The following LRP1B variants were observed in gnomAD, a reference collection of about 807,000 sequenced individuals.
LRP1B encodes the protein low-density lipoprotein receptor-related protein 1B.
In LRP1B, 217 loss-of-function variants were observed where a neutral mutation model predicts 556.6. The observed-to-expected ratio is 0.39, with a 90% CI of 0.35 to 0.44. The LOEUF (loss-of-function observed/expected upper bound fraction) is 0.44, where lower values mean the gene tolerates loss of function less well. Ranked by LOEUF, LRP1B falls within the 20% of genes least tolerant of loss-of-function variation. LRP1B has a pLI of 1.00. For synonymous variants in LRP1B, 2,047 were observed against 1,865.8 expected, an observed-to-expected ratio of 1.10 and a Z score of -2.50; for missense variants, 5,053 against 5,620.8, an observed-to-expected ratio of 0.90 and a Z score of 3.23.
Position 140,841,042 on chromosome 2 carries a change from A to G in LRP1B, c.4990T>C (p.Tyr1664His), listed in dbSNP as rs752506061. The G allele has an allele frequency of 3.8e-5, 61 of 1,613,186 alleles. No homozygotes were observed. Among genetic ancestry groups the G allele is most frequent in the Non-Finnish European group, 5.2e-5 (61 of 1,179,482 alleles). The change falls in exon 30 of 91, where the codon TAC (tyrosine) becomes CAC (histidine). Residue 1664 changes from tyrosine (Y) to histidine (H), a missense_variant. By Grantham distance (83) the Tyr-to-His change is moderately conservative. Coordinates refer to ENST00000389484, the MANE Select transcript of LRP1B (RefSeq NM_018557.3). ...LAVDWVSRNL[Y>H]WISSEFDETQ... is the part of the protein sequence containing the mutation. ...TCATCAAATTCTGAGCTAATCCAGTATAAATTACGTGACACCCAATCCACT... is the reference window on the plus strand; with the variant it reads ...TCATCAAATTCTGAGCTAATCCAGTGTAAATTACGTGACACCCAATCCACT...
At chr2:141,487,103 T>C (rs1683150429) in intron 2 of LRP1B, among the ~76,000 whole-genome samples, 4 of 152,172 alleles carry the variant, frequency 2.6e-5, no homozygotes, top group South Asian at 2.1e-4. Context: ...TCACACATGC[T>C]TTTTCATAAA....
At chr2:140,913,118 T>C (rs149066357) in intron 21 of LRP1B, among the ~76,000 whole-genome samples, 154 of 151,988 alleles carry the variant, frequency 1.0e-3, no homozygotes, top group African/African-American at 3.5e-3. Context: ...CACTGGTCTA[T>C]AATATTTTAT....
intron 21 of LRP1B, among the ~76,000 whole-genome samples, chr2:140,913,190 G>T (rs1694473425): frequency 1.3e-5 from 2 of 151,744 alleles, no homozygotes; most frequent in Admixed American, 1.3e-4. Context: ...ACAGTGTTTG[G>T]TTTCAATTCA....
At chr2:140,684,101 G>GA (rs1003113953) in intron 41 of LRP1B, among the ~76,000 whole-genome samples, 5 of 152,028 alleles carry the variant, frequency 3.3e-5, no homozygotes, top group Admixed American at 6.6e-5. Flanking sequence ...CAGAGAGTGA[G>GA]AAAAAAATGA....
chr2:140,309,049 C>T (rs941201180), intron 83 of LRP1B, among the ~76,000 whole-genome samples: 8 of 151,752 alleles, frequency 5.3e-5, no homozygotes, highest in African/African-American at 1.9e-4. Context: ...GTTCTGAATG[C>T]TTTAAAAAAA....
chr2:140,301,115 C>G (rs1183910118), intron 83 of LRP1B, among the ~76,000 whole-genome samples: 1 of 152,060 alleles, frequency 6.6e-6, no homozygotes, highest in Non-Finnish European at 1.5e-5. Flanking sequence ...ACTTTACTCT[C>G]AGGGTCTAAC....
At chr2:140,446,897 G>A (rs1686682102) in intron 63 of LRP1B, among the ~76,000 whole-genome samples, 1 of 151,812 alleles carries the variant, frequency 6.6e-6, no homozygotes, top group African/African-American at 2.4e-5. Flanking sequence ...TCTATGAAAT[G>A]GAAGAAAATA....
intron 1 of LRP1B, among the ~76,000 whole-genome samples, chr2:142,115,500 A>AT (rs1707163446): frequency 1.1e-5 from 1 of 94,162 alleles, no homozygotes; most frequent in African/African-American, 3.9e-5. Flanking sequence ...ATTATATATA[A>AT]TATATATTAT....
intron 60 of LRP1B, 51 bp from the exon 61 acceptor site, chr2:140,457,702 T>C: frequency 7.0e-7 from 1 of 1,437,792 alleles, no homozygotes; most frequent in Non-Finnish European, 9.8e-7. Flanking sequence ...GACTGCCAGT[T>C]AAAATATTCA....
At chr2:140,778,793 C>G (rs1689588725) in intron 32 of LRP1B, among the ~76,000 whole-genome samples, 1 of 152,010 alleles carries the variant, frequency 6.6e-6, no homozygotes, top group Non-Finnish European at 1.5e-5. Context: ...TCTAATGCCA[C>G]ATATATGAAC....
chr2:140,799,840 G>A (rs1690444218), intron 32 of LRP1B, among the ~76,000 whole-genome samples: 1 of 152,146 alleles, frequency 6.6e-6, no homozygotes, highest in African/African-American at 2.4e-5. Flanking sequence ...TGATGCAGAA[G>A]ACGGGTGATT....
rs542185825 is a variant in LRP1B, at chr2:140,395,490, G to T, written c.10415-9481C>A. Among the ~76,000 whole-genome samples the T allele has an allele frequency of 6.6e-5, 10 of 152,290 alleles. No individual in the cohort carries two copies. The South Asian group carries it at 1.5e-3, about 22-fold the overall frequency. Reference sequence around the variant, plus strand: ...ATATTCCTCAATGAGCACTTACAGGGACAACCTGTTCTTCTAGGGAAAGTG... The same window carrying T: ...ATATTCCTCAATGAGCACTTACAGGTACAACCTGTTCTTCTAGGGAAAGTG... On this transcript the variant is annotated intron_variant, in intron 66 of 90. Transcript: ENST00000389484.
chr2:140,457,753 G>T, intron 60 of LRP1B, 102 bp from the exon 61 acceptor site: 2 of 918,144 alleles, frequency 2.2e-6, no homozygotes, highest in East Asian at 2.5e-5. Flanking sequence ...ACATAACTTC[G>T]TGTGAATAAT....
At chr2:140,511,281 C>G (rs1042173351) in intron 51 of LRP1B, among the ~76,000 whole-genome samples, 1 of 145,626 alleles carries the variant, frequency 6.9e-6, no homozygotes, top group African/African-American at 2.6e-5. Context: ...AAAATACAAT[C>G]CTCTAAGGGT....
At chr2:141,342,555 C>T (rs990208117) in intron 3 of LRP1B, among the ~76,000 whole-genome samples, 1 of 151,786 alleles carries the variant, frequency 6.6e-6, no homozygotes, top group African/African-American at 2.4e-5. Flanking sequence ...AAAAACACAG[C>T]ACAAGAACTT....
At chr2:141,896,294 A>G (rs1266886984) in intron 1 of LRP1B, among the ~76,000 whole-genome samples, 1 of 152,182 alleles carries the variant, frequency 6.6e-6, no homozygotes, top group Non-Finnish European at 1.5e-5. Context: ...TAAAACTAGG[A>G]TTAATTTTAA....
intron 82 of LRP1B, 102 bp downstream of exon 82, chr2:140,321,861 C>G (rs1023145090): frequency 8.4e-7 from 1 of 1,187,200 alleles, no homozygotes; most frequent in Non-Finnish European, 1.2e-6. Flanking sequence ...ATCAAGGTAG[C>G]TAAACTGATG....
intron 67 of LRP1B, among the ~76,000 whole-genome samples, chr2:140,382,915 A>AATAC (rs1481271971): frequency 1.3e-5 from 2 of 152,202 alleles, no homozygotes; most frequent in Admixed American, 6.5e-5. Context: ...TTGATAGGCA[A>AATAC]ATACATACCA....
At chr2:141,106,604 T>C (rs1474713436) in intron 7 of LRP1B, among the ~76,000 whole-genome samples, 3 of 152,060 alleles carry the variant, frequency 2.0e-5, no homozygotes, top group Non-Finnish European at 2.9e-5. Flanking sequence ...CATTAAGACA[T>C]CAAAATGTCT....
Sources: gnomAD v4.1 joint callset for allele counts (sites outside exome capture counted in the v4.1 genomes callset) on GRCh38, gnomAD v4.1.1 for gene constraint, MANE v1.5 for transcripts, NCBI Gene and HGNC (gene_info 2026-07-23, HGNC 2026-07-21) for gene names.